GPATCH2: variants seen among roughly 807,000 people sequenced by gnomAD.
GPATCH2 encodes G-patch domain containing 2.
A neutral mutation model predicts 58.0 loss-of-function variants in GPATCH2; 51 were observed. That is an observed-to-expected ratio of 0.88 (90% CI 0.70 to 1.11). GPATCH2 has a LOEUF of 1.11. Among genes scored for constraint, GPATCH2 ranks in the 50% most tolerant of loss-of-function variants. The pLI, the probability that GPATCH2 is intolerant of heterozygous loss-of-function variation, is 0.00. For synonymous variants in GPATCH2, 222 were observed against 218.5 expected (o/e 1.02, Z -0.14); for missense variants, 625 against 652.2 (o/e 0.96, Z 0.45).
Position 217,431,050 on chromosome 1 carries a change from G to T in GPATCH2, c.*95C>A. 1 of 750,990 alleles carries T rather than the reference G, an allele frequency of 1.3e-6. No homozygotes were observed. The highest frequency in any genetic ancestry group is 2.4e-6 in the Non-Finnish European group (1 of 409,664). The allele number at this position is 750,990 out of a possible 1,614,324, so 46.5% of individuals were successfully genotyped here. On this transcript the variant is annotated 3_prime_UTR_variant, in exon 10 of 10. Transcript: ENST00000366935. ...GCTAGAGTGATGTGTTTGAGGCAAT[G>T]TAGATTTTTGCTTCAAAAACAGAAG...
intron 5 of GPATCH2, among the ~76,000 whole-genome samples, chr1:217,595,800 G>A (rs889313635): frequency 2.6e-5 from 4 of 151,972 alleles, no homozygotes; most frequent in African/African-American, 7.2e-5. Flanking sequence ...GCACCCGGCC[G>A]ATCCTTCTTA....
rs576986946 is a variant in GPATCH2 at position 217,430,897 on chromosome 1, C to T, written c.*248G>A. 9.4e-6 allele frequency: 5 copies of T among 529,984 alleles called. No homozygotes were observed. In the South Asian group the frequency reaches 1.2e-4, roughly 12 times the overall value. The allele number at this position is 529,984 out of a possible 1,614,324, so 32.8% of individuals were successfully genotyped here. On this transcript the variant is annotated 3_prime_UTR_variant, in exon 10 of 10. Coordinates refer to ENST00000366935, the MANE Select transcript of GPATCH2 (RefSeq NM_018040.5). Reference sequence around the variant, plus strand: ...TAAAATAAATAAGAGAAACGAGCTGCTCTTTATACCTAGAAATAGCTGGAA... The same window carrying T: ...TAAAATAAATAAGAGAAACGAGCTGTTCTTTATACCTAGAAATAGCTGGAA...
chr1:217,570,892 C>T (rs919910325), intron 5 of GPATCH2, among the ~76,000 whole-genome samples: 1 of 152,108 alleles, frequency 6.6e-6, no homozygotes, highest in Non-Finnish European at 1.5e-5. Flanking sequence ...TTATTTGCAA[C>T]AGTGAAAGTA....
chr1:217,533,706 G>A (rs949609907), intron 5 of GPATCH2, among the ~76,000 whole-genome samples: 29 of 152,110 alleles, frequency 1.9e-4, no homozygotes, highest in African/African-American at 6.8e-4. Flanking sequence ...TGATATTTAC[G>A]TTGGTATCTC....
chr1:217,599,654 T>C (rs1203673637), intron 5 of GPATCH2, among the ~76,000 whole-genome samples: 1 of 152,112 alleles, frequency 6.6e-6, no homozygotes, highest in Non-Finnish European at 1.5e-5. Context: ...CCCCAGCCCC[T>C]TGAACAATGA....
chr1:217,491,851 T>C (rs1293143879), intron 7 of GPATCH2, 101 bp from the exon 8 acceptor site: 1 of 445,726 alleles, frequency 2.2e-6, no homozygotes, highest in African/African-American at 2.1e-5. Context: ...ACTACTCATT[T>C]ATTTGCACGG....
At chr1:217,515,068 C>T (rs1377214784) in intron 5 of GPATCH2, among the ~76,000 whole-genome samples, 179 bp from the exon 6 acceptor site, 3 of 151,638 alleles carry the variant, frequency 2.0e-5, no homozygotes, top group African/African-American at 7.3e-5. Context: ...GAATACTTCA[C>T]TTGTTTTGGT....
At chr1:217,439,455 G>A (rs889663412) in intron 9 of GPATCH2, among the ~76,000 whole-genome samples, 4 of 152,106 alleles carry the variant, frequency 2.6e-5, no homozygotes, top group African/African-American at 4.8e-5. Context: ...ACAATTGAAA[G>A]AACTAGAGAA....
intron 6 of GPATCH2, among the ~76,000 whole-genome samples, chr1:217,512,151 A>G (rs1233658689): frequency 6.6e-6 from 1 of 152,022 alleles, no homozygotes; most frequent in Non-Finnish European, 1.5e-5. Context: ...GTGAGACCAC[A>G]TGTCTACCAA....
intron 9 of GPATCH2, among the ~76,000 whole-genome samples, chr1:217,442,495 GA>G (rs924218253): frequency 2.6e-5 from 4 of 151,926 alleles, no homozygotes; most frequent in Non-Finnish European, 5.9e-5. Flanking sequence ...TATAAGAAAA[GA>G]AAAACAAAAA....
At chr1:217,468,325 CA>C (rs1236037706) in intron 8 of GPATCH2, among the ~76,000 whole-genome samples, 1 of 152,042 alleles carries the variant, frequency 6.6e-6, no homozygotes, top group Non-Finnish European at 1.5e-5. Flanking sequence ...CCAAACAAAA[CA>C]AAACACCAAA....
chr1:217,521,689 G>A (rs753525180), intron 5 of GPATCH2, among the ~76,000 whole-genome samples: 2 of 152,184 alleles, frequency 1.3e-5, no homozygotes, highest in Non-Finnish European at 2.9e-5. Flanking sequence ...ATGAGAATAT[G>A]TGAAAGAACT....
At chr1:217,616,231 A>C (rs1412496942) in intron 2 of GPATCH2, among the ~76,000 whole-genome samples, 1 of 152,136 alleles carries the variant, frequency 6.6e-6, no homozygotes. Flanking sequence ...AAAGTAGTTG[A>C]TAAACTATGC....
intron 6 of GPATCH2, among the ~76,000 whole-genome samples, chr1:217,508,172 AGAG>A (rs1460775851): frequency 6.6e-6 from 1 of 152,142 alleles, no homozygotes; most frequent in East Asian, 1.9e-4. Context: ...ACAATAAATC[AGAG>A]GAGGAATCGA....
At chr1:217,435,285 C>T (rs1422485972) in intron 9 of GPATCH2, among the ~76,000 whole-genome samples, 1 of 152,222 alleles carries the variant, frequency 6.6e-6, no homozygotes, top group African/African-American at 2.4e-5. Flanking sequence ...AGCCTCCTGT[C>T]TGCTGGATCT....
At position 217,619,944 on chromosome 1, in the gene GPATCH2, A is replaced by C; in HGVS notation, c.612T>G (p.Phe204Leu). ...TTCTTTTTTTGACTTTGTTCTTGGT[A>C]AATTCTTGATACTGGTAGGCTCTAT... The part of the protein sequence containing the change: ...DSDRAYQYQE[F>L]TKNKVKKRKL... Residue 204 changes from phenylalanine (F) to leucine (L), a missense_variant, in exon 2 of 10, where the codon TTT becomes TTG. By Grantham distance (22) the Phe-to-Leu change is conservative. Coordinates refer to ENST00000366935, the MANE Select transcript of GPATCH2 (RefSeq NM_018040.5). 1 of 1,613,938 alleles carries C rather than the reference A, an allele frequency of 6.2e-7. No homozygotes were observed. The highest frequency in any genetic ancestry group is 8.5e-7 in the Non-Finnish European group (1 of 1,179,954).
intron 5 of GPATCH2, among the ~76,000 whole-genome samples, chr1:217,533,942 A>G (rs4417153): frequency 0.6 from 91,897 of 152,084 alleles, 29,006 homozygotes; most frequent in East Asian, 0.92. Context: ...ACAGCCAGGC[A>G]TGGTGGCTGA....
At chr1:217,573,980 A>C (rs1666687897) in intron 5 of GPATCH2, among the ~76,000 whole-genome samples, 1 of 152,230 alleles carries the variant, frequency 6.6e-6, no homozygotes. Context: ...GCAGAGAATG[A>C]GAATGGTTTG....
chr1:217,449,932 T>C (rs190635179), intron 8 of GPATCH2, among the ~76,000 whole-genome samples: 5 of 152,320 alleles, frequency 3.3e-5, no homozygotes, highest in Non-Finnish European at 7.4e-5. Flanking sequence ...TCTAACATGA[T>C]ACTGGATTAT....
Sources: gnomAD v4.1 joint callset for allele counts (sites outside exome capture counted in the v4.1 genomes callset) on GRCh38, gnomAD v4.1.1 for gene constraint, MANE v1.5 for transcripts, NCBI Gene and HGNC (gene_info 2026-07-23, HGNC 2026-07-21) for gene names.